Variants in UTRN observed in about 807,000 individuals in gnomAD.
UTRN encodes the protein dystrophin-related protein 1.
A neutral mutation model predicts 463.9 loss-of-function variants in UTRN; 283 were observed. The ratio of observed to expected loss-of-function variants is 0.61; its 90% CI spans 0.55 to 0.67. The LOEUF is 0.67. Among genes scored for constraint, UTRN ranks in the 30% least tolerant of loss-of-function variants. UTRN has a pLI of 0.00. For missense variants in UTRN, 3,922 were observed against 4,084.3 expected (o/e 0.96, Z 1.08); for synonymous variants, 1,442 against 1,431.5 (o/e 1.01, Z -0.17).
intron 19 of UTRN, among the ~76,000 whole-genome samples, chr6:144,455,398 T>C (rs993741568): frequency 2.0e-5 from 3 of 152,204 alleles, no homozygotes; most frequent in Non-Finnish European, 4.4e-5. Flanking sequence ...TAACTTCCCT[T>C]GAGATTCATT....
At chr6:144,777,173 A>G (rs1486784555) in intron 60 of UTRN, among the ~76,000 whole-genome samples, 3 of 152,178 alleles carry the variant, frequency 2.0e-5, no homozygotes, top group African/African-American at 7.2e-5. Context: ...TTTGAGTTTG[A>G]AGGTTATATA....
intron 2 of UTRN, among the ~76,000 whole-genome samples, chr6:144,309,697 G>C (rs1806073371): frequency 1.3e-5 from 2 of 152,192 alleles, no homozygotes; most frequent in African/African-American, 2.4e-5. Flanking sequence ...ATGGAGGCTG[G>C]TCTGAACCCC....
chr6:144,554,734 G>T lies in UTRN; in HGVS notation c.6975G>T (p.Glu2325Asp). The T allele has an allele frequency of 1.2e-6, 2 of 1,613,942 alleles. No homozygotes were observed. Among genetic ancestry groups the T allele is most frequent in the Middle Eastern group, 1.7e-4 (1 of 6,060 alleles). The change falls in exon 49 of 75, where the codon GAG becomes GAT. Residue 2325 changes from glutamate to aspartate, a missense_variant. Coordinates refer to ENST00000367545, the MANE Select transcript of UTRN (RefSeq NM_007124.3). Reference sequence around the variant, plus strand: ...GGGATGGCACCCAGCATGGCGTTGAGCTAAGACAGCAGCAGCTTGAGGACA... The same window carrying T: ...GGGATGGCACCCAGCATGGCGTTGATCTAAGACAGCAGCAGCTTGAGGACA... The part of the protein sequence containing the change: ...NQWDGTQHGV[E>D]LRQQQLEDMI...
chr6:144,766,782 G>A (rs905081404), intron 58 of UTRN, among the ~76,000 whole-genome samples: 1 of 147,636 alleles, frequency 6.8e-6, no homozygotes, highest in Non-Finnish European at 1.5e-5. Flanking sequence ...TAGATTTGAG[G>A]TAGGGGTGTG....
intron 2 of UTRN, among the ~76,000 whole-genome samples, chr6:144,342,411 A>C (rs1777210988): frequency 1.3e-5 from 2 of 152,084 alleles, no homozygotes; most frequent in Admixed American, 6.6e-5. Context: ...GTATGCCCAC[A>C]TCAAAAACGT....
intron 51 of UTRN, among the ~76,000 whole-genome samples, chr6:144,593,682 A>G (rs889468502): frequency 6.6e-6 from 1 of 152,202 alleles, no homozygotes; most frequent in Non-Finnish European, 1.5e-5. Context: ...TGCCTCAGAC[A>G]TGGAGCACAA....
At chr6:144,573,674 T>TGAC (rs1277841248) in intron 50 of UTRN, among the ~76,000 whole-genome samples, 1 of 151,448 alleles carries the variant, frequency 6.6e-6, no homozygotes, top group Non-Finnish European at 1.5e-5. Context: ...CCAGCCTTGG[T>TGAC]GACAGAGCAA....
chr6:144,490,226 A>G (rs780677047), intron 31 of UTRN, 27 bp downstream of exon 31: 9 of 1,572,310 alleles, frequency 5.7e-6, no homozygotes, highest in African/African-American at 1.4e-5. Context: ...GCTTCCTTTT[A>G]CTTTTCAACT....
intron 39 of UTRN, among the ~76,000 whole-genome samples, chr6:144,520,644 C>T (rs1032264208): frequency 1.3e-5 from 2 of 152,182 alleles, no homozygotes; most frequent in Non-Finnish European, 1.5e-5. Context: ...TAATGCAGTC[C>T]TCTAGGTTCA....
intron 65 of UTRN, among the ~76,000 whole-genome samples, chr6:144,808,321 G>A (rs1037180381): frequency 2.0e-5 from 3 of 151,762 alleles, no homozygotes; most frequent in African/African-American, 4.8e-5. Context: ...TTTGAATTCA[G>A]GGATTATCAT....
intron 51 of UTRN, among the ~76,000 whole-genome samples, chr6:144,602,907 G>A (rs1804414885): frequency 6.6e-6 from 1 of 152,188 alleles, no homozygotes; most frequent in African/African-American, 2.4e-5. Context: ...TAATAGAGTA[G>A]TTTAGTGTAA....
Position 144,851,501 on chromosome 6 carries a change from T to TATC in UTRN, c.*506_*508dup, listed in dbSNP as rs1782481135. 6.4e-6 allele frequency: 1 copy of TATC among 156,740 alleles called. No homozygotes were observed. Among genetic ancestry groups the TATC allele is most frequent in the South Asian group, 1.9e-4 (1 of 5,268 alleles). 9.7% of individuals were successfully genotyped at this position (156,740 alleles called of 1,614,324 possible). ...ATTTATAATTTATCAGCCATATGTTTATCAGCCATATAACCAACTAGATCC... is the reference window on the plus strand; with the variant it reads ...ATTTATAATTTATCAGCCATATGTTTATCATCAGCCATATAACCAACTAGATCC... On this transcript the variant is annotated 3_prime_UTR_variant, in exon 75 of 75. Transcript: ENST00000367545.
chr6:144,828,577 A>G (rs1031736632), intron 68 of UTRN, among the ~76,000 whole-genome samples: 2 of 152,192 alleles, frequency 1.3e-5, no homozygotes, highest in African/African-American at 4.8e-5. Context: ...ACTTTACAAC[A>G]TGGCGTAAGA....
intron 2 of UTRN, among the ~76,000 whole-genome samples, chr6:144,347,051 T>A (rs997274337): frequency 2.0e-5 from 3 of 152,198 alleles, no homozygotes; most frequent in African/African-American, 7.2e-5. Flanking sequence ...GACTGGCCAT[T>A]TAGGCATCTA....
intron 23 of UTRN, among the ~76,000 whole-genome samples, chr6:144,469,703 C>CTTTTTTTTTTTTTTTTTTTTTTTTTTTT (rs545551155): frequency 7.4e-6 from 1 of 135,704 alleles, no homozygotes; most frequent in African/African-American, 3.0e-5. Context: ...TGTTTCTTTC[C>CTTTTTTTTTTTTTTTTTTTTTTTTTTTT]TTTTTTTTTT....
chr6:144,705,634 T>C (rs1785015942), intron 53 of UTRN, among the ~76,000 whole-genome samples: 1 of 152,130 alleles, frequency 6.6e-6, no homozygotes, highest in Non-Finnish European at 1.5e-5. Context: ...ACCATCACTA[T>C]GGGAGTTAGG....
Position 144,516,832 on chromosome 6 carries a change from A to T in UTRN, c.5425A>T (p.Ile1809Phe). The change falls in exon 39 of 75, where the codon ATT becomes TTT. Residue 1809 changes from isoleucine to phenylalanine, a missense_variant. Ile to Phe is a conservative substitution (Grantham distance 21). This residue lies in a region of UTRN where 2,349 missense variants were observed against 2,303.8 expected (regional missense o/e 1.02). Coordinates refer to ENST00000367545, the MANE Select transcript of UTRN (RefSeq NM_007124.3). Reference protein sequence around the residue: ...DEKMDEESAQIEEVLQRGEEM... With the variant: ...DEKMDEESAQFEEVLQRGEEM... ...TTAGATGGATGAGGAGAGTGCCCAGATTGAGGAAGTTCTACAAAGAGGAGA... is the reference window on the plus strand; with the variant it reads ...TTAGATGGATGAGGAGAGTGCCCAGTTTGAGGAAGTTCTACAAAGAGGAGA... The T allele has an allele frequency of 6.7e-7, 1 of 1,499,396 alleles. No homozygotes were observed. Among genetic ancestry groups the T allele is most frequent in the Non-Finnish European group, 8.9e-7 (1 of 1,129,484 alleles). The allele number at this position is 1,499,396 out of a possible 1,614,324, so 92.9% of individuals were successfully genotyped here. A position where few individuals can be genotyped will look rare whatever the true frequency, so the allele number is the denominator to read the frequency against.
chr6:144,577,923 C>T (rs566693988), intron 51 of UTRN, among the ~76,000 whole-genome samples: 7 of 152,268 alleles, frequency 4.6e-5, no homozygotes, highest in South Asian at 2.1e-4. Flanking sequence ...CTGATTCATG[C>T]GGAGTGTGGT....
In UTRN at chr6:144,711,332, CAAAA is replaced by C. The variant is rs147548513; in HGVS notation, c.7809+11098_7809+11101del. The stretch of plus-strand genomic sequence containing the variant: ...TCCCGTCTCAAAACAAACAAACAAA[CAAAA>C]AAAAAAAAGCAGCTTACTAATAAAT... On this transcript the variant is annotated intron_variant, in intron 53 of 74. Coordinates refer to ENST00000367545, the MANE Select transcript of UTRN (RefSeq NM_007124.3). Among the ~76,000 whole-genome samples, 26 of 145,858 alleles carry C rather than the reference CAAAA, an allele frequency of 1.8e-4. No homozygotes were observed. In the South Asian group the frequency reaches 2.8e-3, roughly 16 times the overall value.
Sources: allele counts gnomAD v4.1 joint callset (sites outside exome capture counted in the v4.1 genomes callset), GRCh38; gene constraint gnomAD v4.1.1; regional missense constraint gnomAD v4.1.1; transcripts MANE v1.5; gene names NCBI Gene and HGNC (gene_info 2026-07-23, HGNC 2026-07-21).